The following CELF5 variants were observed in gnomAD, a reference collection of about 807,000 sequenced individuals.
CELF5 encodes the protein CUG-BP and ETR-3 like factor 5.
CELF5 carries 6 observed loss-of-function variants against 54.9 expected under a neutral mutation model. The observed-to-expected ratio is 0.11, with a 90% confidence interval of 0.06 to 0.22. CELF5 has a LOEUF of 0.22. CELF5 is among the 10% of genes least tolerant of loss of function. CELF5 has a pLI of 1.00. For synonymous variants in CELF5, 271 were observed against 290.9 expected, an observed-to-expected ratio of 0.93 and a Z score of 0.70; for missense variants, 401 against 678.6, an observed-to-expected ratio of 0.59 and a Z score of 4.54.
rs746610712 is a variant in CELF5 at position 3,282,524 on chromosome 19, C to T, written c.1039+26C>T. 3.1e-6 allele frequency: 5 copies of T among 1,598,862 alleles called. No homozygotes were observed. Among genetic ancestry groups the T allele is most frequent in the Non-Finnish European group, 8.5e-7 (1 of 1,172,622 alleles). On this transcript the variant is annotated intron_variant, in intron 8 of 12. Transcript: ENST00000292672. The surrounding 1 kb of genome is among the most constrained non-coding windows in gnomAD (Gnocchi z 5.2). ...GTAAATTGGGGTCGTCCTCTGGGGC[C>T]TAGGAGAGTGGTGGGGAATAAAGAT...
chr19:3,290,664 C>T (rs1422936992), intron 11 of CELF5, among the ~76,000 whole-genome samples: 1 of 150,806 alleles, frequency 6.6e-6, no homozygotes, highest in African/African-American at 2.4e-5. Flanking sequence ...CCCGGGTTCA[C>T]GCCATTCTCC....
chr19:3,288,570 A>G (rs1599485668), intron 10 of CELF5, among the ~76,000 whole-genome samples: 1 of 141,352 alleles, frequency 7.1e-6, no homozygotes, highest in South Asian at 2.3e-4. Flanking sequence ...AGCTTTGGCC[A>G]GGTGCAGTGG....
chr19:3,274,980 G>C (rs1249598831), intron 3 of CELF5, among the ~76,000 whole-genome samples: 1 of 151,298 alleles, frequency 6.6e-6, no homozygotes, highest in East Asian at 1.9e-4. Context: ...TATTCTCTCT[G>C]TCTCTCACAG....
chr19:3,234,042 TTTATA>T (rs1917402038), intron 1 of CELF5, among the ~76,000 whole-genome samples: 1 of 152,158 alleles, frequency 6.6e-6, no homozygotes, highest in Non-Finnish European at 1.5e-5. Flanking sequence ...GGGTGGGGTC[TTTATA>T]TCCAAGAGGA....
At chr19:3,248,699 G>A (rs2079600670) in intron 1 of CELF5, among the ~76,000 whole-genome samples, 1 of 152,044 alleles carries the variant, frequency 6.6e-6, no homozygotes, top group South Asian at 2.1e-4. Context: ...ATCTCTGTTC[G>A]AGTCCCTGCT....
intron 10 of CELF5, among the ~76,000 whole-genome samples, chr19:3,289,681 C>CAAAA (rs35144942): frequency 0.03 from 1,412 of 47,156 alleles, 300 homozygotes; most frequent in Middle Eastern, 0.037. Context: ...GACTCCATCT[C>CAAAA]AAAAAAAAAA....
intron 2 of CELF5, among the ~76,000 whole-genome samples, chr19:3,272,984 T>C (rs2079990784): frequency 6.6e-6 from 1 of 151,996 alleles, no homozygotes; most frequent in African/African-American, 2.4e-5. Context: ...TTAAATATCA[T>C]TTTCAATGCC....
intron 1 of CELF5, among the ~76,000 whole-genome samples, chr19:3,230,900 G>A (rs941813560): frequency 1.3e-5 from 2 of 152,170 alleles, no homozygotes; most frequent in African/African-American, 4.8e-5. Flanking sequence ...GTGAAGCACA[G>A]GAGGAGATCG....
chr19:3,269,865 A>G (rs2079933539), intron 2 of CELF5, among the ~76,000 whole-genome samples: 1 of 151,640 alleles, frequency 6.6e-6, no homozygotes, highest in South Asian at 2.1e-4. Flanking sequence ...TTGGGTTCAA[A>G]CGATCCTCCC....
intron 1 of CELF5, among the ~76,000 whole-genome samples, chr19:3,242,999 C>T (rs1164576522): frequency 2.0e-5 from 3 of 151,966 alleles, no homozygotes; most frequent in Admixed American, 1.3e-4. Context: ...AAAGCCTGGA[C>T]ATTCTACTTA....
chr19:3,275,679 C>T lies in CELF5; in HGVS notation c.395-177C>T, dbSNP rs1046637107. Among the ~76,000 whole-genome samples, 3 of 151,878 alleles carry T rather than the reference C, an allele frequency of 2.0e-5. No individual in the cohort carries two copies. Among genetic ancestry groups the T allele is most frequent in the Non-Finnish European group, 4.4e-5 (3 of 67,954 alleles). On this transcript the variant is annotated intron_variant, in intron 3 of 12. Transcript: ENST00000292672. This position sits in a 1 kb window ranked among gnomAD's most constrained non-coding sequence, Gnocchi z 6.7. ...GGGCCCGTGGGAGGGTGGAGAGATCCGGGGCAGGGAAAGGGCGCGGCTGGG... is the reference window on the plus strand; with the variant it reads ...GGGCCCGTGGGAGGGTGGAGAGATCTGGGGCAGGGAAAGGGCGCGGCTGGG...
At chr19:3,252,234 T>C (rs2079661275) in intron 2 of CELF5, among the ~76,000 whole-genome samples, 1 of 151,302 alleles carries the variant, frequency 6.6e-6, no homozygotes, top group African/African-American at 2.4e-5. Context: ...CGGGGTCTCA[T>C]TATATTGCCC....
chr19:3,225,656 C>CG (rs1296623352), intron 1 of CELF5: 13 of 935,024 alleles, frequency 1.4e-5, no homozygotes, highest in Non-Finnish European at 1.7e-5. Flanking sequence ...GCGCCCGGCT[C>CG]GGGGGGACGC....
At chr19:3,284,086 G>A (rs968098694) in intron 8 of CELF5, among the ~76,000 whole-genome samples, 4 of 151,736 alleles carry the variant, frequency 2.6e-5, no homozygotes, top group African/African-American at 7.3e-5. Flanking sequence ...GGGCTCAAGC[G>A]ATCCTCCTTC....
At chr19:3,257,204 C>G (rs1406241323) in intron 2 of CELF5, among the ~76,000 whole-genome samples, 2 of 152,168 alleles carry the variant, frequency 1.3e-5, no homozygotes, top group African/African-American at 4.8e-5. Flanking sequence ...GCAGGAAGGG[C>G]GTTTCTGGCA....
In CELF5 at chr19:3,279,509, G is replaced by A. The variant is rs925146755; in HGVS notation, c.603+1399G>A. Among the ~76,000 whole-genome samples the A allele has an allele frequency of 3.3e-5, 5 of 152,160 alleles. No individual in the cohort carries two copies. In the South Asian group the frequency reaches 6.2e-4, roughly 19 times the overall value. On this transcript the variant is annotated intron_variant, in intron 5 of 12. Coordinates refer to ENST00000292672, the MANE Select transcript of CELF5 (RefSeq NM_021938.4). ...ATGTCCCAGGACAGGGCTGGTAGGC[G>A]TCTGGAGGAGTGAGTTCTCTATCGG...
chr19:3,285,011 G>GTCCAGGGCCCCGCCCCCGT, intron 9 of CELF5, 47 bp downstream of exon 9: 1 of 1,408,554 alleles, frequency 7.1e-7, no homozygotes, highest in South Asian at 1.2e-5. Flanking sequence ...CCCCGCCCCC[G>GTCCAGGGCCCCGCCCCCGT]CCTAGGGCCC....
intron 1 of CELF5, 90 bp downstream of exon 1, chr19:3,225,088 T>A (rs1336391408): frequency 6.8e-6 from 5 of 736,770 alleles, no homozygotes; most frequent in East Asian, 3.9e-5. Context: ...CCATCCCTCC[T>A]CTGCTCACCT....
chr19:3,250,200 TG>T (rs1259126138), intron 1 of CELF5, among the ~76,000 whole-genome samples: 4 of 152,138 alleles, frequency 2.6e-5, no homozygotes, highest in African/African-American at 9.7e-5. Context: ...TTTAAATGCA[TG>T]GTTCAGGCCG....
Sources: allele counts gnomAD v4.1 joint callset (sites outside exome capture counted in the v4.1 genomes callset), GRCh38; gene constraint gnomAD v4.1.1; non-coding constraint Gnocchi (gnomAD v3.1); transcripts MANE v1.5; gene names NCBI Gene and HGNC (gene_info 2026-07-23, HGNC 2026-07-21).